Variants in CROCC observed in about 807,000 individuals in gnomAD.
The protein encoded by CROCC is ciliary rootlet coiled-coil, rootletin, also known as rootletin.
Under a neutral mutation model 245.2 loss-of-function variants are expected in CROCC, and 180 were observed. That is an observed-to-expected ratio of 0.73 (90% CI 0.65 to 0.83). The LOEUF (loss-of-function observed/expected upper bound fraction) is 0.83, where lower values mean the gene tolerates loss of function less well. CROCC is among the 40% of genes least tolerant of loss of function. The pLI is 0.00. For synonymous variants in CROCC, 1,205 were observed against 1,241.6 expected (o/e 0.97, Z 0.62); for missense variants, 2,688 against 2,779.4 (o/e 0.97, Z 0.74).
chr1:16,967,946 C>T (rs2076445449), intron 30 of CROCC, among the ~76,000 whole-genome samples: 1 of 152,162 alleles, frequency 6.6e-6, no homozygotes, highest in Admixed American at 6.5e-5. Flanking sequence ...GGCCATAGGG[C>T]GCGAAGGGGC....
At position 16,953,076 on chromosome 1, in the gene CROCC, G is replaced by T; in HGVS notation, c.3007-226G>T. On this transcript the variant is annotated intron_variant, in intron 20 of 36. Coordinates refer to ENST00000375541, the MANE Select transcript of CROCC (RefSeq NM_014675.5). ...CTGGCTGACAGTTACTTGTCCCTCC[G>T]CAGGGGACCATGTTCGGACCCCCAG... 7.4e-6 allele frequency: 4 copies of T among 538,530 alleles called. No individual in the cohort carries two copies. In the South Asian group the frequency reaches 7.4e-5, roughly 10 times the overall value. The allele number at this position is 538,530 out of a possible 1,614,324, so 33.4% of individuals were successfully genotyped here. A position where few individuals can be genotyped will look rare whatever the true frequency, so the allele number is the denominator to read the frequency against.
intron 3 of CROCC, among the ~76,000 whole-genome samples, chr1:16,926,760 C>G (rs2075543715): frequency 6.6e-6 from 1 of 152,272 alleles, no homozygotes; most frequent in Admixed American, 6.5e-5. Context: ...AGAGGACAGA[C>G]CCCCTGGGCT....
At chr1:16,928,064 A>C (rs2075576267) in intron 3 of CROCC, among the ~76,000 whole-genome samples, 1 of 152,290 alleles carries the variant, frequency 6.6e-6, no homozygotes, top group Non-Finnish European at 1.5e-5. Context: ...CCTGGACCCA[A>C]GACCCGAGAT....
chr1:16,919,274 T>A (rs975718867), upstream of CROCC, among the ~76,000 whole-genome samples: 1 of 152,284 alleles, frequency 6.6e-6, no homozygotes, highest in African/African-American at 2.4e-5. Flanking sequence ...AGTCACTCAT[T>A]GGGAGGCTGC....
chr1:16,959,848 C>G (rs1251076699), intron 26 of CROCC, among the ~76,000 whole-genome samples: 1 of 152,114 alleles, frequency 6.6e-6, no homozygotes, highest in Non-Finnish European at 1.5e-5. Flanking sequence ...CAAGTGCAGC[C>G]CACAGCCCCC....
rs763978265 is a variant in CROCC at position 16,936,812 on chromosome 1, GAGA to G, written c.1135_1137del (p.Lys379del). On this transcript the variant is annotated inframe_deletion, in exon 9 of 37. Transcript: ENST00000375541. The stretch of plus-strand genomic sequence containing the variant: ...GCAGCTGCGGGACAAGGTGCTCCGC[GAGA>G]AGGACCTGGCGCAGCAGCAGATGCA... 3 of 1,612,276 alleles carry G rather than the reference GAGA, an allele frequency of 1.9e-6. No homozygotes were observed. The African/African-American group carries it at 4.0e-5, about 21-fold the overall frequency.
chr1:16,921,915 C>T, upstream of CROCC: 5 of 1,236,340 alleles, frequency 4.0e-6, no homozygotes, highest in East Asian at 1.0e-4. Flanking sequence ...TAAGCTTAAT[C>T]TGCCTGGTGC....
chr1:16,945,045 C>T (rs1039103269), intron 14 of CROCC, among the ~76,000 whole-genome samples: 8 of 152,392 alleles, frequency 5.2e-5, no homozygotes, highest in Admixed American at 1.3e-4. Context: ...CCAGCCTGAC[C>T]AACGTGGAGA....
Position 16,944,267 on chromosome 1 carries a change from G to A in CROCC, c.1976G>A (p.Arg659Gln), listed in dbSNP as rs369407665. 45 of 1,541,548 alleles carry A rather than the reference G, an allele frequency of 2.9e-5. No individual in the cohort carries two copies. Among genetic ancestry groups the A allele is most frequent in the East Asian group, 9.8e-5 (4 of 40,922 alleles). ...DAVQDGARVRRELERSHRQLE... is the reference protein window; with the variant it reads ...DAVQDGARVRQELERSHRQLE... ...GTGCAGGATGGCGCGCGGGTGCGCC[G>A]GGAGCTTGAGCGCAGGTGAGCAGCA... Residue 659 changes from arginine to glutamine, a missense_variant, in exon 14 of 37, where the codon CGG becomes CAG. Coordinates refer to ENST00000375541, the MANE Select transcript of CROCC (RefSeq NM_014675.5).
At chr1:16,937,162 T>G (rs543870520) in intron 9 of CROCC, among the ~76,000 whole-genome samples, 2,103 of 151,462 alleles carry the variant, frequency 0.014, no homozygotes, top group African/African-American at 0.05. Flanking sequence ...AAGACCAGCC[T>G]GTCCGACAGG....
chr1:16,958,837 AGGCCACTCCCTAG>A (rs2100518267), intron 26 of CROCC, 87 bp downstream of exon 26: 3 of 1,432,680 alleles, frequency 2.1e-6, no homozygotes, highest in Non-Finnish European at 2.8e-6. Flanking sequence ...CCATTCTGAA[AGGCCACTCCCTAG>A]GGCTTGCTCC....
In CROCC at chr1:16,968,326, G is replaced by T; in HGVS notation, c.4984G>T (p.Glu1662Ter). Reference protein sequence around the residue: ...VKLELQRRSLEGELQRSRLGL... With the variant: ...VKLELQRRSL ...GCTGGAGCTGCAGCGGCGCTCGCTT[G>T]AGGGGGAGCTGCAGCGCAGCCGCCT... is the stretch of plus-strand genomic sequence containing the variant. Residue 1662 changes from glutamate to a stop codon, truncating the protein, a stop_gained, in exon 31 of 37, where the codon GAG becomes TAG. Transcript: ENST00000375541. LOFTEE classifies it high-confidence loss of function. 1 of 1,548,708 alleles carries T rather than the reference G, an allele frequency of 6.5e-7. No individual in the cohort carries two copies. Among genetic ancestry groups the T allele is most frequent in the South Asian group, 1.2e-5 (1 of 83,954 alleles).
rs1205431383 is a variant in CROCC at position 16,970,769 on chromosome 1, TCTGA to T, written c.5784+4_5784+7del. The T allele has an allele frequency of 1.3e-6, 2 of 1,578,390 alleles. No homozygotes were observed. Among genetic ancestry groups the T allele is most frequent in the Admixed American group, 3.7e-5 (2 of 53,868 alleles). Reference sequence around the variant, plus strand: ...CAGAGGCAGATCCAGCAGCTGGAGGTCTGACCCCACCCAGTCCGGGACCCCAACT... The same window carrying T: ...CAGAGGCAGATCCAGCAGCTGGAGGTCCCCACCCAGTCCGGGACCCCAACT... On this transcript the variant is annotated splice_donor_5th_base_variant and intron_variant, in intron 35 of 36. Coordinates refer to ENST00000375541, the MANE Select transcript of CROCC (RefSeq NM_014675.5).
chr1:16,938,919 C>G lies in CROCC; in HGVS notation c.1385C>G (p.Ser462Ter). 1 of 1,603,950 alleles carries G rather than the reference C, an allele frequency of 6.2e-7. No homozygotes were observed. The highest frequency in any genetic ancestry group is 8.5e-7 in the Non-Finnish European group (1 of 1,177,272). The change falls in exon 12 of 37, where the codon TCA becomes TGA. Residue 462 changes from serine (S) to a stop codon, truncating the protein, a stop_gained. Transcript: ENST00000375541. LOFTEE classifies it high-confidence loss of function. ...CTCCCCCACCCTCAGGCCGTCTTGT[C>G]AGACTCTGAGAGCGGCGTCCAGCTG... ...TLRDLAQAVL[S>*]DSESGVQLSG...
intron 3 of CROCC, among the ~76,000 whole-genome samples, chr1:16,929,185 A>C (rs2075606199): frequency 6.6e-6 from 1 of 152,282 alleles, no homozygotes. Context: ...CACCTCTTAC[A>C]AATCTTAATG....
rs530021629 is a variant in CROCC at position 16,922,095 on chromosome 1, G to C, written c.60+17G>C. The stretch of plus-strand genomic sequence containing the variant: ...GTTATCCAGGTGGGTCCTGGGGGCT[G>C]TGCCCACCCTGTCTGGGGCGGGGCA... On this transcript the variant is annotated intron_variant, in intron 1 of 36. Transcript: ENST00000375541. 3.3e-6 allele frequency: 5 copies of C among 1,535,576 alleles called. No homozygotes were observed. The highest frequency in any genetic ancestry group is 4.4e-6 in the Non-Finnish European group (5 of 1,139,406).
intron 15 of CROCC, 76 bp from the exon 16 acceptor site, chr1:16,946,183 T>C (rs1245806012): frequency 1.3e-6 from 2 of 1,504,772 alleles, no homozygotes; most frequent in Non-Finnish European, 1.8e-6. Context: ...TCCATCTCTC[T>C]GGGTCTCTTC....
Position 16,967,692 on chromosome 1 carries a change from C to T in CROCC, c.4861-511C>T, listed in dbSNP as rs539415298. 4.6e-5 allele frequency among the ~76,000 whole-genome samples: 7 copies of T among 152,244 alleles called. No homozygotes were observed. The South Asian group carries it at 1.5e-3, about 32-fold the overall frequency. Reference sequence around the variant, plus strand: ...CCTAGTCTGCCTTCCTGTCCCATCCCCACTCCCCAGGCCTTTTTCACTGGC... The same window carrying T: ...CCTAGTCTGCCTTCCTGTCCCATCCTCACTCCCCAGGCCTTTTTCACTGGC... On this transcript the variant is annotated intron_variant, in intron 30 of 36. Transcript: ENST00000375541.
chr1:16,946,208 C>T (rs759115864), intron 15 of CROCC, 51 bp from the exon 16 acceptor site: 9 of 1,585,610 alleles, frequency 5.7e-6, no homozygotes, highest in South Asian at 1.2e-5. Context: ...GCCTCCTCAC[C>T]TCCTCCCGAC....
Sources: gnomAD v4.1 joint callset for allele counts (sites outside exome capture counted in the v4.1 genomes callset) on GRCh38, gnomAD v4.1.1 for gene constraint, MANE v1.5 for transcripts, NCBI Gene and HGNC (gene_info 2026-07-23, HGNC 2026-07-21) for gene names.